Variants in RPAP3 observed in about 807,000 individuals in gnomAD.
RPAP3 encodes RNA polymerase II-associated protein 3.
RPAP3 carries 58 observed loss-of-function variants against 88.8 expected under a neutral mutation model. That is an observed-to-expected ratio of 0.65 (90% CI 0.53 to 0.81). The LOEUF (loss-of-function observed/expected upper bound fraction) is 0.81, where lower values mean the gene tolerates loss of function less well. Among genes scored for constraint, RPAP3 ranks in the 40% least tolerant of loss-of-function variants. The probability of loss-of-function intolerance (pLI) is 0.00; values close to 1 mark genes in which losing one functional copy is unlikely to be tolerated. For synonymous variants in RPAP3, 255 were observed against 259.9 expected (o/e 0.98, Z 0.18); for missense variants, 751 against 764.3 (o/e 0.98, Z 0.20).
At chr12:47,695,137 A>T (rs574781746) in intron 5 of RPAP3, among the ~76,000 whole-genome samples, 1 of 151,578 alleles carries the variant, frequency 6.6e-6, no homozygotes, top group Admixed American at 6.6e-5. Context: ...AGTGGGAGGG[A>T]GAGAGAAAAA....
chr12:47,685,343 C>T (rs889588830), intron 9 of RPAP3, among the ~76,000 whole-genome samples: 2 of 149,276 alleles, frequency 1.3e-5, no homozygotes, highest in East Asian at 2.0e-4. Context: ...TACACCACTG[C>T]ACTCCAGCCT....
intron 9 of RPAP3, among the ~76,000 whole-genome samples, chr12:47,684,928 T>C (rs551509328): frequency 1.5e-3 from 222 of 152,360 alleles, no homozygotes; most frequent in Non-Finnish European, 2.4e-3. Flanking sequence ...AATTTATTTC[T>C]ATGACAGGAG....
At chr12:47,697,774 G>GA (rs142105667) in intron 3 of RPAP3, 55 bp from the exon 4 acceptor site, 2 of 1,467,368 alleles carry the variant, frequency 1.4e-6, no homozygotes, top group Non-Finnish European at 1.8e-6. Flanking sequence ...GGAAAAAAAA[G>GA]AAAAAAAGAC....
At chr12:47,668,889 C>T (rs745558381) in intron 14 of RPAP3, 27 bp downstream of exon 14, 5 of 1,564,684 alleles carry the variant, frequency 3.2e-6, no homozygotes, top group Non-Finnish European at 4.4e-6. Flanking sequence ...TTACTTACAA[C>T]AGAAGTACTA....
At chr12:47,687,738 G>C in intron 8 of RPAP3, 138 bp downstream of exon 8, 5 of 931,516 alleles carry the variant, frequency 5.4e-6, no homozygotes, top group Non-Finnish European at 7.7e-6. Flanking sequence ...GGTCCCAGAG[G>C]CTTTAGTGCA....
At chr12:47,698,044 C>G (rs1204005831) in intron 3 of RPAP3, among the ~76,000 whole-genome samples, 1 of 151,986 alleles carries the variant, frequency 6.6e-6, no homozygotes, top group African/African-American at 2.4e-5. Context: ...TAGCCCTAAA[C>G]TAATATAATT....
chr12:47,687,893 T>C lies in RPAP3; in HGVS notation c.847A>G (p.Ile283Val), dbSNP rs377619102. 1.1e-5 allele frequency: 17 copies of C among 1,612,866 alleles called. No homozygotes were observed. The highest frequency in any genetic ancestry group is 1.7e-4 in the Middle Eastern group (1 of 6,052). Reference protein sequence around the residue: ...IEAQQNKQQAISEKDRGNGFF... With the variant: ...IEAQQNKQQAVSEKDRGNGFF... ...TGGATTACCCGATCTTTCTCTGAAA[T>C]GGCCTGCTGCTTATTCTGTTGTGCT... The change falls in exon 8 of 17, where the codon ATT (isoleucine) becomes GTT (valine). Residue 283 changes from isoleucine to valine, a missense_variant. By Grantham distance (29) the Ile-to-Val change is conservative. Coordinates refer to ENST00000005386, the MANE Select transcript of RPAP3 (RefSeq NM_024604.3).
At chr12:47,686,549 C>T (rs1198477058) in intron 9 of RPAP3, among the ~76,000 whole-genome samples, 1 of 145,394 alleles carries the variant, frequency 6.9e-6, no homozygotes, top group African/African-American at 2.7e-5. Context: ...TACACATACA[C>T]ACACACACAC....
intron 12 of RPAP3, among the ~76,000 whole-genome samples, chr12:47,674,627 A>G (rs894660791): frequency 1.3e-5 from 2 of 152,204 alleles, no homozygotes; most frequent in African/African-American, 4.8e-5. Context: ...CTGATTCGAT[A>G]AAGTGGAAGA....
At chr12:47,695,096 A>G (rs948583322) in intron 5 of RPAP3, among the ~76,000 whole-genome samples, 13 of 152,114 alleles carry the variant, frequency 8.5e-5, no homozygotes, top group African/African-American at 3.1e-4. Context: ...TGGGCAATAG[A>G]AAGAAAGAGG....
chr12:47,669,017 C>T lies in RPAP3; in HGVS notation c.1612G>A (p.Ala538Thr). Residue 538 changes from alanine (A) to threonine (T), a missense_variant, in exon 14 of 17, where the codon GCC (alanine) becomes ACC (threonine). By Grantham distance (58) the Ala-to-Thr change is moderately conservative. Coordinates refer to ENST00000005386, the MANE Select transcript of RPAP3 (RefSeq NM_024604.3). ...IEIEQKPAQF[A>T]TTVLPPIPAN... Reference sequence around the variant, plus strand: ...GGAATTGGAGGAAGAACAGTTGTGGCAAACTGAGCAGGTTTTTGTTCTATC... The same window carrying T: ...GGAATTGGAGGAAGAACAGTTGTGGTAAACTGAGCAGGTTTTTGTTCTATC... 3.1e-6 allele frequency: 5 copies of T among 1,613,830 alleles called. No individual in the cohort carries two copies. The highest frequency in any genetic ancestry group is 4.2e-6 in the Non-Finnish European group (5 of 1,179,758).
chr12:47,676,534 A>C (rs954915029), intron 12 of RPAP3, among the ~76,000 whole-genome samples: 1 of 152,212 alleles, frequency 6.6e-6, no homozygotes, highest in Non-Finnish European at 1.5e-5. Flanking sequence ...AGAAGAATCA[A>C]ATATACACAA....
intron 4 of RPAP3, 107 bp downstream of exon 4, chr12:47,697,490 T>A: frequency 9.5e-7 from 1 of 1,056,610 alleles, no homozygotes; most frequent in Non-Finnish European, 1.3e-6. Flanking sequence ...AAAAACAACA[T>A]AAAGTTTAAA....
rs1939791720 is a variant in RPAP3 at position 47,706,001 on chromosome 12, A to T, written c.-56T>A. On this transcript the variant is annotated 5_prime_UTR_variant, in exon 1 of 17. Transcript: ENST00000005386. The stretch of plus-strand genomic sequence containing the variant: ...CTGCCACCCCGTCAGCCCCGCAGCG[A>T]CTCACGCCGAGCCCGGCAGTGACTC... The T allele has an allele frequency of 6.6e-6, 1 of 152,588 alleles. No homozygotes were observed. The highest frequency in any genetic ancestry group is 1.5e-5 in the Non-Finnish European group (1 of 68,380). The allele number at this position is 152,588 out of a possible 1,614,324, so 9.5% of individuals were successfully genotyped here. A position where few individuals can be genotyped will look rare whatever the true frequency, so the allele number is the denominator to read the frequency against.
Position 47,663,444 on chromosome 12 carries a change from C to T in RPAP3, c.*61G>A. 6 of 1,076,064 alleles carry T rather than the reference C, an allele frequency of 5.6e-6. No homozygotes were observed. Among genetic ancestry groups the T allele is most frequent in the Non-Finnish European group, 8.4e-6 (6 of 715,088 alleles). The allele number at this position is 1,076,064 out of a possible 1,614,324, so 66.7% of individuals were successfully genotyped here. ...TTTCATTTTCTTAAAAAGCAAAACA[C>T]TTTCAGTAGAAAAAATTTACATATG... On this transcript the variant is annotated 3_prime_UTR_variant, in exon 17 of 17. Coordinates refer to ENST00000005386, the MANE Select transcript of RPAP3 (RefSeq NM_024604.3).
Position 47,704,645 on chromosome 12 carries a change from T to C in RPAP3, c.-7+1307A>G, listed in dbSNP as rs548206195. Among the ~76,000 whole-genome samples the C allele has an allele frequency of 3.2e-3, 489 of 151,882 alleles. 2 individuals are homozygous for C. The highest frequency in any genetic ancestry group is 5.7e-3 in the Non-Finnish European group (387 of 67,876). On this transcript the variant is annotated intron_variant, in intron 1 of 16. Coordinates refer to ENST00000005386, the MANE Select transcript of RPAP3 (RefSeq NM_024604.3). ...CGCCCACCTCGGCCTCCCAAAGTGC[T>C]GGGATTATAGGCATGAGCCACCGCG...
Position 47,663,394 on chromosome 12 carries a change from A to G in RPAP3, c.*111T>C, listed in dbSNP as rs770441838. On this transcript the variant is annotated 3_prime_UTR_variant, in exon 17 of 17. Coordinates refer to ENST00000005386, the MANE Select transcript of RPAP3 (RefSeq NM_024604.3). The stretch of plus-strand genomic sequence containing the variant: ...CTTATAGTTAATTAACTTATGTTCA[A>G]AGATAGTCCTTTCCTGCTATATAAT... The G allele has an allele frequency of 1.1e-5, 7 of 663,172 alleles. No homozygotes were observed. The highest frequency in any genetic ancestry group is 9.3e-5 in the Admixed American group (3 of 32,258). The allele number at this position is 663,172 out of a possible 1,614,324, so 41.1% of individuals were successfully genotyped here.
chr12:47,701,281 A>AT, intron 3 of RPAP3, 183 bp downstream of exon 3: 1 of 386,320 alleles, frequency 2.6e-6, no homozygotes, highest in Admixed American at 4.5e-5. Context: ...AGGATTGCAG[A>AT]AAAAAAAATT....
rs370296823 is a variant in RPAP3 at position 47,661,413 on chromosome 12, A to C, written c.*2092T>G. 6.6e-6 allele frequency: 1 copy of C among 152,212 alleles called. No individual in the cohort carries two copies. The highest frequency in any genetic ancestry group is 1.5e-5 in the Non-Finnish European group (1 of 68,030). The allele number at this position is 152,212 out of a possible 1,614,324, so 9.4% of individuals were successfully genotyped here. On this transcript the variant is annotated 3_prime_UTR_variant, in exon 17 of 17. Transcript: ENST00000005386. Reference sequence around the variant, plus strand: ...CTTACTATACATCCAGCCCTGCTCCAAAAACAAAATGTGTGCATTCATTCA... The same window carrying C: ...CTTACTATACATCCAGCCCTGCTCCCAAAACAAAATGTGTGCATTCATTCA...
Sources: allele counts gnomAD v4.1 joint callset (sites outside exome capture counted in the v4.1 genomes callset), GRCh38; gene constraint gnomAD v4.1.1; transcripts MANE v1.5; gene names NCBI Gene and HGNC (gene_info 2026-07-23, HGNC 2026-07-21).